SLC15A5: variants seen among roughly 807,000 people sequenced by gnomAD.
SLC15A5 encodes the protein Peptide/histidine transporter ENSP00000340402.
In SLC15A5, 58 loss-of-function variants were observed where a neutral mutation model predicts 56.1. That is an observed-to-expected ratio of 1.03 (90% CI 0.84 to 1.29). The LOEUF (loss-of-function observed/expected upper bound fraction) is 1.29. Ranked by LOEUF, SLC15A5 falls within the 50% of genes most tolerant of loss-of-function variation. The probability of loss-of-function intolerance (pLI) is 0.00; values close to 1 mark genes in which losing one functional copy is unlikely to be tolerated. For missense variants in SLC15A5, 681 were observed against 672.1 expected (o/e 1.01, Z -0.15); for synonymous variants, 264 against 250.5 (o/e 1.05, Z -0.51).
intron 5 of SLC15A5, among the ~76,000 whole-genome samples, chr12:16,238,204 T>G (rs1864370918): frequency 6.6e-6 from 1 of 152,200 alleles, no homozygotes; most frequent in Non-Finnish European, 1.5e-5. Context: ...CACTCCATGA[T>G]GTGATCTTGA....
At chr12:16,259,905 G>GGGT (rs1555173565) in intron 2 of SLC15A5, among the ~76,000 whole-genome samples, 2 of 146,406 alleles carry the variant, frequency 1.4e-5, no homozygotes, top group South Asian at 2.1e-4. Flanking sequence ...CCCGGGCGGG[G>GGGT]GGTAAGTTAG....
chr12:16,217,114 A>G (rs1864137889), intron 6 of SLC15A5, 90 bp from the exon 7 acceptor site: 1 of 1,344,300 alleles, frequency 7.4e-7, no homozygotes, highest in Non-Finnish European at 9.7e-7. Flanking sequence ...CATGTATCAA[A>G]GAAAATTTAC....
chr12:16,265,034 A>G (rs1215946713), intron 2 of SLC15A5, among the ~76,000 whole-genome samples: 1 of 152,204 alleles, frequency 6.6e-6, no homozygotes, highest in Non-Finnish European at 1.5e-5. Flanking sequence ...GTTCATGGCA[A>G]GAAGTTTGGG....
intron 7 of SLC15A5, among the ~76,000 whole-genome samples, chr12:16,205,598 C>CACACAAAT (rs1565657639): frequency 1.7e-5 from 1 of 57,720 alleles, no homozygotes; most frequent in Non-Finnish European, 3.3e-5. Context: ...TATACATATA[C>CACACAAAT]ACACACACAC....
chr12:16,250,216 T>C (rs1310678388), intron 3 of SLC15A5, among the ~76,000 whole-genome samples: 1 of 152,066 alleles, frequency 6.6e-6, no homozygotes, highest in African/African-American at 2.4e-5. Context: ...AAACACTGAT[T>C]GAACACTTAC....
intron 4 of SLC15A5, among the ~76,000 whole-genome samples, chr12:16,240,591 C>T (rs1005319832): frequency 2.6e-5 from 4 of 152,112 alleles, no homozygotes; most frequent in African/African-American, 9.7e-5. Context: ...CTGTGCTCCA[C>T]CCCAAATCCT....
rs1864771995 is a variant in SLC15A5 at position 16,272,623 on chromosome 12, A to G, written c.522T>C (p.Cys174=). The change falls in exon 2 of 9, where the codon TGT becomes TGC. Residue 174 remains cysteine (C), a synonymous_variant. Transcript: ENST00000344941. The part of the protein sequence containing the change: ...LGIGGVRAIV[C]PLGAFGLQEY... ...CCTGAAGGCCAAAAGCACCCAGTGG[A>G]CAGACGATGGCTCTTACGCCTCCAA... 1.3e-6 allele frequency: 2 copies of G among 1,536,916 alleles called. No individual in the cohort carries two copies. Among genetic ancestry groups the G allele is most frequent in the Non-Finnish European group, 1.7e-6 (2 of 1,146,702 alleles).
intron 8 of SLC15A5, among the ~76,000 whole-genome samples, chr12:16,192,163 G>C (rs1863843476): frequency 6.6e-6 from 1 of 152,030 alleles, no homozygotes; most frequent in Non-Finnish European, 1.5e-5. Context: ...CCAAGAAGGT[G>C]GTGGGGAGTA....
At chr12:16,214,155 G>A (rs1170796714) in intron 7 of SLC15A5, among the ~76,000 whole-genome samples, 1 of 152,198 alleles carries the variant, frequency 6.6e-6, no homozygotes, top group African/African-American at 2.4e-5. Context: ...TAAGGTTGTT[G>A]TAATAAATGC....
intron 6 of SLC15A5, among the ~76,000 whole-genome samples, chr12:16,221,005 A>G (rs897230205): frequency 3.3e-5 from 5 of 152,124 alleles, no homozygotes; most frequent in African/African-American, 1.2e-4. Context: ...TCTCCAATGT[A>G]TAACATGTCT....
chr12:16,272,471 A>C (rs374839459), intron 2 of SLC15A5, 90 bp downstream of exon 2: 2 of 1,207,638 alleles, frequency 1.7e-6, no homozygotes, highest in East Asian at 2.6e-5. Flanking sequence ...TTCATCACAA[A>C]GACTGAGCAA....
At chr12:16,229,192 T>C (rs1591648922) in intron 5 of SLC15A5, among the ~76,000 whole-genome samples, 1 of 152,242 alleles carries the variant, frequency 6.6e-6, no homozygotes, top group Non-Finnish European at 1.5e-5. Context: ...ATTCCTTCTA[T>C]GGGTGTCCAC....
chr12:16,239,764 A>C lies in SLC15A5; in HGVS notation c.1079T>G (p.Leu360Arg). ...ATACTCCAGAAAAGGAGCCAGAATT[A>C]GTAATGGTAGGCTGCTGATGGCATT... is the stretch of plus-strand genomic sequence containing the variant. The part of the protein sequence containing the change: ...VMNAISSLPL[L>R]ILAPFLEYFS... Residue 360 changes from leucine to arginine, a missense_variant, in exon 5 of 9, where the codon CTA (leucine) becomes CGA (arginine). Physicochemically the swap from Leu to Arg is moderately radical, Grantham distance 102. Coordinates refer to ENST00000344941, the MANE Select transcript of SLC15A5 (RefSeq NM_001170798.1). 3.3e-6 allele frequency: 5 copies of C among 1,537,366 alleles called. No individual in the cohort carries two copies. Among genetic ancestry groups the C allele is most frequent in the Non-Finnish European group, 4.4e-6 (5 of 1,146,922 alleles).
chr12:16,212,038 G>A (rs1864086973), intron 7 of SLC15A5, among the ~76,000 whole-genome samples: 1 of 152,136 alleles, frequency 6.6e-6, no homozygotes, highest in Admixed American at 6.5e-5. Flanking sequence ...CAGCTGACAT[G>A]AATCCTTAAA....
intron 7 of SLC15A5, among the ~76,000 whole-genome samples, chr12:16,194,961 C>G (rs1401479562): frequency 6.6e-6 from 1 of 151,996 alleles, no homozygotes; most frequent in East Asian, 1.9e-4. Flanking sequence ...AAATCCAGGG[C>G]TACCTTATGA....
At chr12:16,225,062 A>AT (rs775166075) in intron 5 of SLC15A5, among the ~76,000 whole-genome samples, 53 of 152,124 alleles carry the variant, frequency 3.5e-4, no homozygotes, top group Middle Eastern at 6.8e-3. Context: ...TGAACCCATG[A>AT]TTTTTTATGG....
intron 3 of SLC15A5, among the ~76,000 whole-genome samples, chr12:16,248,074 C>G (rs748092251): frequency 3.5e-4 from 53 of 152,124 alleles, no homozygotes; most frequent in Non-Finnish European, 5.7e-4. Flanking sequence ...TTGAAGATGT[C>G]TACTTTTTTC....
At chr12:16,191,090 C>A (rs374751172) in intron 8 of SLC15A5, among the ~76,000 whole-genome samples, 7 of 152,058 alleles carry the variant, frequency 4.6e-5, no homozygotes, top group Admixed American at 2.0e-4. Context: ...TGGAAAGCCT[C>A]GAGTATGACA....
At chr12:16,203,969 A>G (rs2250231) in intron 7 of SLC15A5, among the ~76,000 whole-genome samples, 31,704 of 151,934 alleles carry the variant, frequency 0.21, 3,489 homozygotes, top group African/African-American at 0.29. Flanking sequence ...AAAAGGAAAA[A>G]TGTATAAAAT....
Sources: allele counts gnomAD v4.1 joint callset (sites outside exome capture counted in the v4.1 genomes callset), GRCh38; gene constraint gnomAD v4.1.1; transcripts MANE v1.5; gene names NCBI Gene and HGNC (gene_info 2026-07-23, HGNC 2026-07-21).